The following MAP3K4 variants were observed in gnomAD, a reference collection of about 807,000 sequenced individuals.
The protein encoded by MAP3K4 is mitogen-activated protein kinase kinase kinase 4.
In MAP3K4, 67 loss-of-function variants were observed where a neutral mutation model predicts 185.6. The observed-to-expected ratio is 0.36, with a 90% CI of 0.30 to 0.44. MAP3K4 has a LOEUF of 0.44. MAP3K4 is among the 20% of genes least tolerant of loss of function. The probability of loss-of-function intolerance (pLI) is 1.00; values close to 1 mark genes in which losing one functional copy is unlikely to be tolerated. For missense variants in MAP3K4, 1,551 were observed against 1,995.1 expected (o/e 0.78, Z 4.24); for synonymous variants, 702 against 710.4 (o/e 0.99, Z 0.19).
chr6:161,091,416 C>T lies in MAP3K4; in HGVS notation c.3011C>T (p.Ala1004Val). 1 of 1,613,830 alleles carries T rather than the reference C, an allele frequency of 6.2e-7. No homozygotes were observed. The highest frequency in any genetic ancestry group is 8.5e-7 in the Non-Finnish European group (1 of 1,179,900). Residue 1004 changes from alanine to valine, a missense_variant, in exon 12 of 27, where the codon GCC becomes GTC. Coordinates refer to ENST00000392142, the MANE Select transcript of MAP3K4 (RefSeq NM_005922.4). The surrounding 1 kb of genome is among the most constrained non-coding windows in gnomAD (Gnocchi z 5.5). ...GAGCTATGCAACAGGATAAGCAATG[C>T]CATTGACCGCGTGGACCACATGTTC... ...ALELCNRISN[A>V]IDRVDHMFTS... is the part of the protein sequence containing the mutation.
chr6:161,058,560 A>G (rs963608740), intron 3 of MAP3K4, among the ~76,000 whole-genome samples: 2 of 152,160 alleles, frequency 1.3e-5, no homozygotes, highest in Non-Finnish European at 1.5e-5. Flanking sequence ...TATATTTTTG[A>G]AGTCCCTGTC....
intron 23 of MAP3K4, among the ~76,000 whole-genome samples, chr6:161,111,121 T>C (rs555979411): frequency 2.3e-4 from 35 of 152,340 alleles, no homozygotes; most frequent in Admixed American, 2.1e-3. Context: ...CACTGAGTTA[T>C]GAGGATTCGC....
In MAP3K4 at chr6:161,098,086, CAAAAAAA is replaced by C. The variant is rs920151679; in HGVS notation, c.3525-190_3525-184del. 6.6e-6 allele frequency among the ~76,000 whole-genome samples: 1 copy of C among 151,160 alleles called. No homozygotes were observed. The highest frequency in any genetic ancestry group is 1.9e-4 in the East Asian group (1 of 5,186). On this transcript the variant is annotated intron_variant, in intron 16 of 26. Transcript: ENST00000392142. The surrounding 1 kb of genome is among the most constrained non-coding windows in gnomAD (Gnocchi z 4.4). ...TGGACAACAGGGTGCGATGCTGTCT[CAAAAAAA>C]AGAAAAGCTTTGAAGTTAGGTTTTT...
chr6:161,016,276 C>A (rs553898301), intron 1 of MAP3K4, among the ~76,000 whole-genome samples: 1 of 152,168 alleles, frequency 6.6e-6, no homozygotes, highest in South Asian at 2.1e-4. Context: ...ACATGATTTG[C>A]AAATATTTTC....
In MAP3K4 at chr6:161,093,666, G is replaced by T; in HGVS notation, c.3349-107G>T. ...TTTTAAACTAACTGAAAATATTTTG[G>T]GTAGCATGTTTTTAAAAATATACTG... On this transcript the variant is annotated intron_variant, in intron 14 of 26. Coordinates refer to ENST00000392142, the MANE Select transcript of MAP3K4 (RefSeq NM_005922.4). The surrounding 1 kb of genome is among the most constrained non-coding windows in gnomAD (Gnocchi z 5.2). 4.8e-6 allele frequency: 3 copies of T among 627,550 alleles called. No individual in the cohort carries two copies. Among genetic ancestry groups the T allele is most frequent in the Non-Finnish European group, 8.4e-6 (3 of 357,742 alleles). 38.9% of individuals were successfully genotyped at this position (627,550 alleles called of 1,614,324 possible).
chr6:161,073,324 A>G lies in MAP3K4; in HGVS notation c.1951-142A>G. The G allele has an allele frequency of 1.5e-6, 1 of 687,302 alleles. No individual in the cohort carries two copies. The highest frequency in any genetic ancestry group is 3.6e-5 in the Admixed American group (1 of 27,764). The allele number at this position is 687,302 out of a possible 1,614,324, so 42.6% of individuals were successfully genotyped here. The stretch of plus-strand genomic sequence containing the variant: ...TAAGGTATTTACATAAAATGAACTG[A>G]TCAAGAATCTAGAAACTATTGTAGG... On this transcript the variant is annotated intron_variant, in intron 4 of 26. Transcript: ENST00000392142. The surrounding 1 kb of genome is among the most constrained non-coding windows in gnomAD (Gnocchi z 4.2).
In MAP3K4 at chr6:161,092,127, A is replaced by G. The variant is rs1489550266; in HGVS notation, c.3253A>G (p.Arg1085Gly). ...NYVLTKCESGRGTRPRWATQG... is the reference protein window; with the variant it reads ...NYVLTKCESGGGTRPRWATQG... ...TGTCCTGACTAAATGTGAGAGTGGT[A>G]GAGGTACAAGACCCAGGTAATGACC... Residue 1085 changes from arginine (R) to glycine (G), a missense_variant, in exon 13 of 27, where the codon AGA becomes GGA. By Grantham distance (125) the Arg-to-Gly change is moderately radical. Around this residue, in one of 16 missense-constraint regions of MAP3K4, gnomAD observed 1 missense variants for 24.8 expected, o/e 0.04. Coordinates refer to ENST00000392142, the MANE Select transcript of MAP3K4 (RefSeq NM_005922.4). 6.2e-7 allele frequency: 1 copy of G among 1,613,830 alleles called. No homozygotes were observed. The highest frequency in any genetic ancestry group is 8.5e-7 in the Non-Finnish European group (1 of 1,179,908).
rs1388757356 is a variant in MAP3K4, at chr6:161,054,529, A to T, written c.1707+4550A>T. Among the ~76,000 whole-genome samples the T allele has an allele frequency of 6.6e-6, 1 of 152,260 alleles. No homozygotes were observed. Among genetic ancestry groups the T allele is most frequent in the Non-Finnish European group, 1.5e-5 (1 of 68,046 alleles). ...AGAACTGAACTAGCAATACTAAAAAAAAATCTGTTTGCAGTTTGTTTTCAT... is the reference window on the plus strand; with the variant it reads ...AGAACTGAACTAGCAATACTAAAAATAAATCTGTTTGCAGTTTGTTTTCAT... On this transcript the variant is annotated intron_variant, in intron 3 of 26. Coordinates refer to ENST00000392142, the MANE Select transcript of MAP3K4 (RefSeq NM_005922.4). The surrounding 1 kb of genome is among the most constrained non-coding windows in gnomAD (Gnocchi z 4.2).
chr6:161,094,561 C>A (rs1269892294), intron 15 of MAP3K4, among the ~76,000 whole-genome samples: 1 of 152,022 alleles, frequency 6.6e-6, no homozygotes, highest in Non-Finnish European at 1.5e-5. Context: ...TAATAAACAC[C>A]CAAGAAAGAA....
chr6:161,026,415 A>T (rs149851855), intron 1 of MAP3K4, among the ~76,000 whole-genome samples: 179 of 152,096 alleles, frequency 1.2e-3, no homozygotes, highest in African/African-American at 3.8e-3. Context: ...GATTACAGGC[A>T]TGAGCCACCG....
intron 1 of MAP3K4, among the ~76,000 whole-genome samples, chr6:160,995,924 G>A (rs1422571200): frequency 6.6e-6 from 1 of 152,046 alleles, no homozygotes; most frequent in Non-Finnish European, 1.5e-5. Context: ...TTGTCCTTAT[G>A]AGTACATGCT....
Position 160,996,370 on chromosome 6 carries a change from T to C in MAP3K4, c.152+4287T>C, listed in dbSNP as rs1780993481. On this transcript the variant is annotated intron_variant, in intron 1 of 26. Transcript: ENST00000392142. The surrounding 1 kb of genome is among the most constrained non-coding windows in gnomAD (Gnocchi z 4.5). ...TGTCATTGTTAGAGGCCACTCTGTT[T>C]CCTTCATGTATGCTCTCATGGTGTC... 6.6e-6 allele frequency among the ~76,000 whole-genome samples: 1 copy of C among 152,250 alleles called. No homozygotes were observed. The highest frequency in any genetic ancestry group is 2.1e-4 in the South Asian group (1 of 4,834).
In MAP3K4 at chr6:161,041,204, A is replaced by G. The variant is rs577041550; in HGVS notation, c.343+6755A>G. 8.5e-5 allele frequency among the ~76,000 whole-genome samples: 13 copies of G among 152,294 alleles called. No homozygotes were observed. In the South Asian group the frequency reaches 2.7e-3, roughly 32 times the overall value. ...CCTCCAGCACCTGCCCAAGGAACAT[A>G]TAGCTCTAGGATTCACTTTCTCAGG... On this transcript the variant is annotated intron_variant, in intron 2 of 26. Coordinates refer to ENST00000392142, the MANE Select transcript of MAP3K4 (RefSeq NM_005922.4).
Position 161,049,770 on chromosome 6 carries a change from G to A in MAP3K4, c.1498G>A (p.Glu500Lys), listed in dbSNP as rs1299939662. ...ISKKLERLES[E>K]DDSLGWGAPD... ...CAAGAAGCTTGAGAGGCTCGAATCT[G>A]AGGATGATTCTCTTGGCTGGGGAGC... Residue 500 changes from glutamate (E) to lysine (K), a missense_variant, in exon 3 of 27, where the codon GAG becomes AAG. By Grantham distance (56) the Glu-to-Lys change is moderately conservative. This residue lies in a region of MAP3K4 where 126 missense variants were observed against 112.8 expected (regional missense o/e 1.12). Transcript: ENST00000392142. The surrounding 1 kb of genome is among the most constrained non-coding windows in gnomAD (Gnocchi z 8.4). The A allele has an allele frequency of 1.9e-6, 3 of 1,614,030 alleles. No individual in the cohort carries two copies. The highest frequency in any genetic ancestry group is 1.7e-5 in the Admixed American group (1 of 60,006).
At chr6:161,031,667 A>G (rs954006987) in intron 1 of MAP3K4, among the ~76,000 whole-genome samples, 8 of 152,198 alleles carry the variant, frequency 5.3e-5, no homozygotes, top group African/African-American at 1.9e-4. Flanking sequence ...CAGTACTGCT[A>G]GATACTAGCA....
chr6:161,084,404 G>C lies in MAP3K4; in HGVS notation c.2256-97G>C, dbSNP rs919497816. 1.5e-6 allele frequency: 1 copy of C among 685,294 alleles called. No homozygotes were observed. Among genetic ancestry groups the C allele is most frequent in the Admixed American group, 2.2e-5 (1 of 46,168 alleles). The allele number at this position is 685,294 out of a possible 1,614,324, so 42.5% of individuals were successfully genotyped here. On this transcript the variant is annotated intron_variant, in intron 6 of 26. Transcript: ENST00000392142. This position sits in a 1 kb window ranked among gnomAD's most constrained non-coding sequence, Gnocchi z 4.6. ...TTCATTTTTGATTTTTAAACCATTA[G>C]AGCAGTAGCTGAGCCTTTCAAGTTT... is the stretch of plus-strand genomic sequence containing the variant.
chr6:161,113,075 A>T (rs1353516699), intron 25 of MAP3K4, among the ~76,000 whole-genome samples: 1 of 152,240 alleles, frequency 6.6e-6, no homozygotes, highest in African/African-American at 2.4e-5. Flanking sequence ...ACATGTCCAC[A>T]CAAAAACCCG....
intron 11 of MAP3K4, 69 bp downstream of exon 11, chr6:161,089,540 T>C: frequency 1.3e-6 from 2 of 1,538,646 alleles, no homozygotes; most frequent in Non-Finnish European, 1.8e-6. Context: ...TGGTAATGTG[T>C]GTAAGGTAAT....
intron 3 of MAP3K4, among the ~76,000 whole-genome samples, chr6:161,065,555 A>G (rs1399314150): frequency 1.3e-5 from 2 of 152,338 alleles, no homozygotes; most frequent in East Asian, 1.9e-4. Flanking sequence ...TTATCATCAT[A>G]TAGTTGTATC....
Sources: allele counts gnomAD v4.1 joint callset (sites outside exome capture counted in the v4.1 genomes callset), GRCh38; gene constraint gnomAD v4.1.1; regional missense constraint gnomAD v4.1.1; non-coding constraint Gnocchi (gnomAD v3.1); transcripts MANE v1.5; gene names NCBI Gene and HGNC (gene_info 2026-07-23, HGNC 2026-07-21).